The following FLYWCH1 variants were observed in gnomAD, a reference collection of about 807,000 sequenced individuals.
FLYWCH1 encodes FLYWCH-type zinc finger-containing protein 1.
A neutral mutation model predicts 66.4 loss-of-function variants in FLYWCH1; 75 were observed. The observed-to-expected ratio is 1.13, with a 90% CI of 0.94 to 1.37. The LOEUF (loss-of-function observed/expected upper bound fraction) is 1.37, where lower values mean the gene tolerates loss of function less well. Among genes scored for constraint, FLYWCH1 ranks in the 40% most tolerant of loss-of-function variants. The probability of loss-of-function intolerance (pLI) is 0.00; values close to 1 mark genes in which losing one functional copy is unlikely to be tolerated. For synonymous variants in FLYWCH1, 595 were observed against 429.9 expected (o/e 1.38, Z -4.75); for missense variants, 1,334 against 1,001.8 (o/e 1.33, Z -4.48).
At chr16:2,931,986 C>T (rs575667825) in intron 4 of FLYWCH1, among the ~76,000 whole-genome samples, 10 of 151,942 alleles carry the variant, frequency 6.6e-5, no homozygotes, top group East Asian at 3.9e-4. Context: ...GGCGTGGTAG[C>T]GGGCGCCTGT....
rs553978201 is a variant in FLYWCH1, at chr16:2,945,859, T to C, written c.2112-2829T>C. Among the ~76,000 whole-genome samples the C allele has an allele frequency of 1.2e-3, 187 of 151,798 alleles. 6 individuals are homozygous for C. The East Asian group carries it at 0.031, about 26-fold the overall frequency. ...AAAAATACAAAAAATTAGCCGAGCG[T>C]GGTGGCAGGTGCCTGTAGTCCCAGT... On this transcript the variant is annotated intron_variant, in intron 9 of 9. Coordinates refer to ENST00000253928, the MANE Select transcript of FLYWCH1 (RefSeq NM_001308068.2).
chr16:2,936,829 G>A, intron 6 of FLYWCH1: 2 of 603,016 alleles, frequency 3.3e-6, no homozygotes, highest in East Asian at 3.6e-5. Context: ...CGGGTGCTGG[G>A]GACGGACGAG....
In FLYWCH1 at chr16:2,929,771, T is replaced by C. The variant is rs2150945547; in HGVS notation, c.86T>C (p.Ile29Thr). The change falls in exon 3 of 10, where the codon ATC becomes ACC. Residue 29 changes from isoleucine (I) to threonine (T), a missense_variant. Ile to Thr is a moderately conservative substitution (Grantham distance 89, BLOSUM62 -1). Coordinates refer to ENST00000253928, the MANE Select transcript of FLYWCH1 (RefSeq NM_001308068.2). ...TCCCCCAAGCCAGGCACGGACGTCA[T>C]CCCGGCAGCCCCCAGGAAGCCCAGG... ...EPSPKPGTDV[I>T]PAAPRKPREF... The C allele has an allele frequency of 6.2e-7, 1 of 1,613,796 alleles. No homozygotes were observed. Among genetic ancestry groups the C allele is most frequent in the East Asian group, 2.2e-5 (1 of 44,884 alleles).
chr16:2,941,760 C>T (rs1166778714), intron 9 of FLYWCH1, among the ~76,000 whole-genome samples: 3 of 151,344 alleles, frequency 2.0e-5, no homozygotes, highest in South Asian at 2.1e-4. Context: ...TGGTGGCTCA[C>T]ACCTGTAATC....
At chr16:2,926,329 A>AT (rs1212082983) in intron 2 of FLYWCH1, among the ~76,000 whole-genome samples, 1 of 152,220 alleles carries the variant, frequency 6.6e-6, no homozygotes, top group Non-Finnish European at 1.5e-5. Context: ...GTATGGAATG[A>AT]TTGGGCCATT....
At position 2,933,180 on chromosome 16, in the gene FLYWCH1, C is replaced by G. The variant is rs773325166; in HGVS notation, c.847C>G (p.Leu283Val). The change falls in exon 5 of 10, where the codon CTG becomes GTG. Residue 283 changes from leucine (L) to valine (V), a missense_variant. By Grantham distance (32) the Leu-to-Val change is conservative. Transcript: ENST00000253928. ...GAGGACGTGCTACGGGGGCAGCTTC[C>G]TGGTACACGAGTCGTTCCTCTACAA... ...FLRTCYGGSF[L>V]VHESFLYKRE... 23 of 1,613,676 alleles carry G rather than the reference C, an allele frequency of 1.4e-5. No homozygotes were observed. Among genetic ancestry groups the G allele is most frequent in the Non-Finnish European group, 1.9e-5 (22 of 1,179,872 alleles).
At position 2,949,628 on chromosome 16, in the gene FLYWCH1, C is replaced by T. The variant is rs2071618318; in HGVS notation, c.*901C>T. On this transcript the variant is annotated 3_prime_UTR_variant, in exon 10 of 10. Coordinates refer to ENST00000253928, the MANE Select transcript of FLYWCH1 (RefSeq NM_001308068.2). ...AGAGCCTCCTCCTTACTAACAAGGACCTGTCCGCAGCCGCGAGGTCCTTCA... is the reference window on the plus strand; with the variant it reads ...AGAGCCTCCTCCTTACTAACAAGGATCTGTCCGCAGCCGCGAGGTCCTTCA... 1 of 152,184 alleles carries T rather than the reference C, an allele frequency of 6.6e-6. No homozygotes were observed. The highest frequency in any genetic ancestry group is 1.5e-5 in the Non-Finnish European group (1 of 68,038). The allele number at this position is 152,184 out of a possible 1,614,324, so 9.4% of individuals were successfully genotyped here.
rs757668317 is a variant in FLYWCH1, at chr16:2,930,846, C to T, written c.762C>T (p.Ser254=). ...EEAPRALSLL[S]LPPKKRSILG... ...CACCCCGAGCCCTGTCACTGCTGAG[C>T]CTGCCGCCCAAGAAGCGCTCGATCC... The change falls in exon 4 of 10, where the codon AGC becomes AGT. Residue 254 remains serine (S), a synonymous_variant. Transcript: ENST00000253928. The T allele has an allele frequency of 5.0e-6, 8 of 1,602,022 alleles. No homozygotes were observed. Among genetic ancestry groups the T allele is most frequent in the Middle Eastern group, 2.2e-4 (1 of 4,614 alleles).
intron 8 of FLYWCH1, chr16:2,939,798 C>T (rs1159391148): frequency 9.1e-6 from 4 of 439,118 alleles, no homozygotes; most frequent in Non-Finnish European, 1.6e-5. Context: ...TCTTTGATGT[C>T]TAGTTGACCC....
At chr16:2,928,443 A>C (rs111624331) in intron 2 of FLYWCH1, among the ~76,000 whole-genome samples, 2,699 of 152,284 alleles carry the variant, frequency 0.018, 34 homozygotes, top group South Asian at 0.022. Flanking sequence ...TCCACAGTGC[A>C]TTGTGTCCCT....
intron 2 of FLYWCH1, among the ~76,000 whole-genome samples, chr16:2,925,495 C>T (rs1162231328): frequency 7.3e-6 from 1 of 137,870 alleles, no homozygotes; most frequent in Non-Finnish European, 1.5e-5. Context: ...GAGCTCAGAG[C>T]GAGGGAGCGG....
At chr16:2,924,204 C>T (rs1192252308) in intron 2 of FLYWCH1, among the ~76,000 whole-genome samples, 1 of 152,058 alleles carries the variant, frequency 6.6e-6, no homozygotes, top group Non-Finnish European at 1.5e-5. Flanking sequence ...GTGGCGGGCG[C>T]CTGTAGTCCC....
In FLYWCH1 at chr16:2,930,771, G is replaced by T. The variant is rs2070734691; in HGVS notation, c.687G>T (p.Glu229Asp). 6.3e-7 allele frequency: 1 copy of T among 1,583,936 alleles called. No individual in the cohort carries two copies. Among genetic ancestry groups the T allele is most frequent in the South Asian group, 1.2e-5 (1 of 86,946 alleles). The change falls in exon 4 of 10, where the codon GAG becomes GAT. Residue 229 changes from glutamate to aspartate, a missense_variant. Coordinates refer to ENST00000253928, the MANE Select transcript of FLYWCH1 (RefSeq NM_001308068.2). ...CGTGGCAGTGCCCTGAGGAGCCCGA[G>T]CCCACTCCTGGGCTGGTGCTGAGCA... ...VGPWQCPEEP[E>D]PTPGLVLSKP...
chr16:2,948,162 C>T (rs1421758347), intron 9 of FLYWCH1, among the ~76,000 whole-genome samples: 1 of 152,150 alleles, frequency 6.6e-6, no homozygotes, highest in African/African-American at 2.4e-5. Context: ...TTGGGTGGTT[C>T]TCCCCCAAAC....
chr16:2,948,968 G>C lies in FLYWCH1; in HGVS notation c.*241G>C. Reference sequence around the variant, plus strand: ...AGACGCAGCTGTCGTGGGGCAGGGCGGTGGCGCCTTCCTGACCTTTGGAAG... The same window carrying C: ...AGACGCAGCTGTCGTGGGGCAGGGCCGTGGCGCCTTCCTGACCTTTGGAAG... On this transcript the variant is annotated 3_prime_UTR_variant, in exon 10 of 10. Coordinates refer to ENST00000253928, the MANE Select transcript of FLYWCH1 (RefSeq NM_001308068.2). 1 of 533,026 alleles carries C rather than the reference G, an allele frequency of 1.9e-6. No homozygotes were observed. The highest frequency in any genetic ancestry group is 2.1e-5 in the South Asian group (1 of 48,580). The allele number at this position is 533,026 out of a possible 1,614,324, so 33.0% of individuals were successfully genotyped here.
Position 2,930,863 on chromosome 16 carries a change from G to A in FLYWCH1, c.779G>A (p.Arg260His), listed in dbSNP as rs893027671. 1.3e-5 allele frequency: 21 copies of A among 1,596,766 alleles called. No individual in the cohort carries two copies. The highest frequency in any genetic ancestry group is 8.0e-5 in the African/African-American group (6 of 74,662). Residue 260 changes from arginine to histidine, a missense_variant, in exon 4 of 10, where the codon CGC becomes CAC. Coordinates refer to ENST00000253928, the MANE Select transcript of FLYWCH1 (RefSeq NM_001308068.2). ...LSLLSLPPKK[R>H]SILGLGQARP... ...CTGCTGAGCCTGCCGCCCAAGAAGC[G>A]CTCGATCCTGGGGCTGGGTGAGTAC...
intron 2 of FLYWCH1, among the ~76,000 whole-genome samples, chr16:2,925,682 C>A (rs2070541304): frequency 6.6e-6 from 1 of 152,014 alleles, no homozygotes; most frequent in African/African-American, 2.4e-5. Flanking sequence ...CACCTCGTGT[C>A]ACCCTGTGGG....
rs534994910 is a variant in FLYWCH1 at position 2,936,793 on chromosome 16, C to T, written c.1514-328C>T. ...GGTCATTCCTCTGACCAACCAGGCA[C>T]GGCGCACCCTGCATGCAAGCCTGGG... On this transcript the variant is annotated intron_variant, in intron 6 of 9. Coordinates refer to ENST00000253928, the MANE Select transcript of FLYWCH1 (RefSeq NM_001308068.2). 3.4e-4 allele frequency: 181 copies of T among 537,834 alleles called. 1 individual carries two copies. Among genetic ancestry groups the T allele is most frequent in the South Asian group, 1.3e-3 (88 of 65,242 alleles). The allele number at this position is 537,834 out of a possible 1,614,324, so 33.3% of individuals were successfully genotyped here.
chr16:2,924,003 C>G (rs1484068453), intron 2 of FLYWCH1, among the ~76,000 whole-genome samples: 5 of 152,136 alleles, frequency 3.3e-5, no homozygotes, highest in African/African-American at 1.2e-4. Flanking sequence ...TGCCACTGCA[C>G]TTAGCCTGGG....
Sources: gnomAD v4.1 joint callset for allele counts (sites outside exome capture counted in the v4.1 genomes callset) on GRCh38, gnomAD v4.1.1 for gene constraint, MANE v1.5 for transcripts, NCBI Gene and HGNC (gene_info 2026-07-23, HGNC 2026-07-21) for gene names.